The following KIF6 variants were observed in gnomAD, a reference collection of about 807,000 sequenced individuals.
KIF6 encodes kinesin family member 6, also known as kinesin-like protein KIF6.
In KIF6, 106 loss-of-function variants were observed where a neutral mutation model predicts 112.7. That is an observed-to-expected ratio of 0.94 (90% CI 0.80 to 1.11). The LOEUF (loss-of-function observed/expected upper bound fraction) is 1.11, where lower values mean the gene tolerates loss of function less well. KIF6 is among the 50% of genes least tolerant of loss of function. KIF6 has a pLI of 0.00. For synonymous variants in KIF6, 339 were observed against 339.9 expected, an observed-to-expected ratio of 1.00 and a Z score of 0.03; for missense variants, 929 against 964.0, an observed-to-expected ratio of 0.96 and a Z score of 0.48.
At chr6:39,583,893 A>G (rs1262895679) in intron 9 of KIF6, among the ~76,000 whole-genome samples, 1 of 151,860 alleles carries the variant, frequency 6.6e-6, no homozygotes, top group East Asian at 1.9e-4. Context: ...AACAAAATAG[A>G]GAACAGAAAA....
At chr6:39,536,323 C>G in intron 13 of KIF6, among the ~76,000 whole-genome samples, 1 of 150,840 alleles carries the variant, frequency 6.6e-6, no homozygotes, top group Non-Finnish European at 1.5e-5. Flanking sequence ...GCTAGCAAGA[C>G]TAATAAAGAA....
At chr6:39,508,251 G>T (rs965773705) in intron 13 of KIF6, among the ~76,000 whole-genome samples, 1 of 151,950 alleles carries the variant, frequency 6.6e-6, no homozygotes, top group East Asian at 1.9e-4. Context: ...CTTCCAAGAT[G>T]GCTGAATAGA....
At chr6:39,701,467 G>A (rs1788872826) in intron 3 of KIF6, among the ~76,000 whole-genome samples, 2 of 152,218 alleles carry the variant, frequency 1.3e-5, no homozygotes, top group South Asian at 2.1e-4. Context: ...GCCTGCCTGC[G>A]CACAAACTGC....
intron 3 of KIF6, among the ~76,000 whole-genome samples, chr6:39,709,863 C>G (rs1028303875): frequency 2.6e-5 from 4 of 151,882 alleles, no homozygotes; most frequent in African/African-American, 7.3e-5. Context: ...AGTGTCTATT[C>G]AAAGGCCTGC....
chr6:39,533,776 C>T (rs1483635613), intron 13 of KIF6, among the ~76,000 whole-genome samples: 1 of 152,212 alleles, frequency 6.6e-6, no homozygotes, highest in Non-Finnish European at 1.5e-5. Context: ...GTCCCTGACC[C>T]CTGACTCCCG....
intron 3 of KIF6, among the ~76,000 whole-genome samples, chr6:39,699,710 G>C (rs1223895665): frequency 2.0e-5 from 3 of 151,742 alleles, no homozygotes; most frequent in East Asian, 3.9e-4. Flanking sequence ...TGTAATATAG[G>C]GATAACATAA....
At chr6:39,688,394 C>T (rs945771058) in intron 3 of KIF6, among the ~76,000 whole-genome samples, 1 of 152,140 alleles carries the variant, frequency 6.6e-6, no homozygotes, top group African/African-American at 2.4e-5. Flanking sequence ...CTGATGACTA[C>T]ACATCTTACT....
intron 16 of KIF6, among the ~76,000 whole-genome samples, chr6:39,381,427 G>T (rs1766931156): frequency 6.6e-6 from 1 of 152,156 alleles, no homozygotes; most frequent in South Asian, 2.1e-4. Flanking sequence ...GAAAGGGGGC[G>T]TACCACTGAG....
At position 39,343,093 on chromosome 6, in the gene KIF6, A is replaced by G; in HGVS notation, c.2428+616T>C. The G allele has an allele frequency of 2.0e-6, 2 of 985,348 alleles. No homozygotes were observed. The highest frequency in any genetic ancestry group is 2.4e-6 in the Non-Finnish European group (2 of 829,894). 61.0% of individuals were successfully genotyped at this position (985,348 alleles called of 1,614,324 possible). A position where few individuals can be genotyped will look rare whatever the true frequency, so the allele number is the denominator to read the frequency against. On this transcript the variant is annotated intron_variant, in intron 22 of 22. Coordinates refer to ENST00000287152, the MANE Select transcript of KIF6 (RefSeq NM_145027.6). This position sits in a 1 kb window ranked among gnomAD's most constrained non-coding sequence, Gnocchi z 4.1. ...TGTTGGGGATGGAAGGCAGAAAGAGAAAAGGCCCAGCCACAGCAGATGGGA... is the reference window on the plus strand; with the variant it reads ...TGTTGGGGATGGAAGGCAGAAAGAGGAAAGGCCCAGCCACAGCAGATGGGA...
intron 10 of KIF6, among the ~76,000 whole-genome samples, chr6:39,572,194 G>T (rs1010190382): frequency 7.9e-5 from 12 of 151,866 alleles, no homozygotes; most frequent in Non-Finnish European, 1.8e-4. Flanking sequence ...ACTAATATGG[G>T]TAGAATAAAA....
chr6:39,446,169 T>C (rs1772299707), intron 13 of KIF6, among the ~76,000 whole-genome samples: 1 of 152,240 alleles, frequency 6.6e-6, no homozygotes, highest in Non-Finnish European at 1.5e-5. Context: ...CTGCCATTTA[T>C]ATTGCTCTAA....
At chr6:39,355,928 A>C (rs926604384) in intron 19 of KIF6, among the ~76,000 whole-genome samples, 2 of 151,858 alleles carry the variant, frequency 1.3e-5, no homozygotes, top group Non-Finnish European at 2.9e-5. Context: ...CACTGAACCG[A>C]TATTGATACA....
intron 10 of KIF6, among the ~76,000 whole-genome samples, chr6:39,560,165 C>A (rs77092454): frequency 6.6e-6 from 1 of 152,344 alleles, no homozygotes; most frequent in East Asian, 1.9e-4. Flanking sequence ...GCCTCAACAA[C>A]TGCTCTTAGT....
At chr6:39,460,640 A>C (rs975318601) in intron 13 of KIF6, among the ~76,000 whole-genome samples, 1 of 152,174 alleles carries the variant, frequency 6.6e-6, no homozygotes, top group Middle Eastern at 3.4e-3. Context: ...TTCTGATAAC[A>C]ACTATGGGAA....
intron 15 of KIF6, among the ~76,000 whole-genome samples, chr6:39,392,280 T>G (rs552081551): frequency 6.6e-6 from 1 of 152,316 alleles, no homozygotes; most frequent in Non-Finnish European, 1.5e-5. Context: ...TTTACTTCCA[T>G]TTTTTGATAG....
At chr6:39,414,134 A>AT (rs538575601) in intron 15 of KIF6, among the ~76,000 whole-genome samples, 253 of 151,376 alleles carry the variant, frequency 1.7e-3, no homozygotes, top group Non-Finnish European at 3.0e-3. Context: ...AGAATATAAT[A>AT]TTTTTTTTTA....
At chr6:39,567,344 T>C (rs1227236209) in intron 10 of KIF6, among the ~76,000 whole-genome samples, 1 of 152,076 alleles carries the variant, frequency 6.6e-6, no homozygotes, top group African/African-American at 2.4e-5. Flanking sequence ...ATGATGAAAA[T>C]ATTGAGGACT....
chr6:39,530,082 C>T (rs2150541896), intron 13 of KIF6, among the ~76,000 whole-genome samples: 1 of 152,332 alleles, frequency 6.6e-6, no homozygotes, highest in Middle Eastern at 3.4e-3. Flanking sequence ...TAAATGTAAG[C>T]TCCCCAAACC....
intron 3 of KIF6, among the ~76,000 whole-genome samples, chr6:39,656,558 A>G (rs546737836): frequency 6.6e-6 from 1 of 152,074 alleles, no homozygotes; most frequent in African/African-American, 2.4e-5. Flanking sequence ...CTCACATGTC[A>G]TTTCCCATGA....
Sources: allele counts gnomAD v4.1 joint callset (sites outside exome capture counted in the v4.1 genomes callset), GRCh38; gene constraint gnomAD v4.1.1; non-coding constraint Gnocchi (gnomAD v3.1); transcripts MANE v1.5; gene names NCBI Gene and HGNC (gene_info 2026-07-23, HGNC 2026-07-21).